The following ATG10 variants were observed in gnomAD, a reference collection of about 807,000 sequenced individuals.
ATG10 encodes the protein ubiquitin-like-conjugating enzyme ATG10.
In ATG10, 30 loss-of-function variants were observed where a neutral mutation model predicts 32.1. That is an observed-to-expected ratio of 0.94 (90% CI 0.70 to 1.27). The LOEUF is 1.27. ATG10 is among the 50% of genes most tolerant of loss of function. The pLI, the probability that ATG10 is intolerant of heterozygous loss-of-function variation, is 0.00. For synonymous variants in ATG10, 87 were observed against 91.5 expected, an observed-to-expected ratio of 0.95 and a Z score of 0.28; for missense variants, 233 against 262.3, an observed-to-expected ratio of 0.89 and a Z score of 0.77.
intron 2 of ATG10, among the ~76,000 whole-genome samples, chr5:82,058,162 A>C (rs1377444505): frequency 6.6e-6 from 1 of 152,188 alleles, no homozygotes; most frequent in African/African-American, 2.4e-5. Context: ...ATGCCATGAA[A>C]ATCAATATTA....
At chr5:82,111,774 TGTAA>T (rs1261454237) in intron 3 of ATG10, among the ~76,000 whole-genome samples, 4 of 151,972 alleles carry the variant, frequency 2.6e-5, no homozygotes, top group African/African-American at 9.7e-5. Flanking sequence ...AGGGATGATC[TGTAA>T]GTTTTTCTGC....
chr5:82,084,192 C>T (rs1764584730), intron 3 of ATG10, among the ~76,000 whole-genome samples: 2 of 152,122 alleles, frequency 1.3e-5, no homozygotes, highest in South Asian at 4.1e-4. Context: ...CATGCACAAG[C>T]TTCAGTAGCC....
chr5:82,154,861 A>G (rs1767745997), intron 3 of ATG10, among the ~76,000 whole-genome samples: 1 of 152,352 alleles, frequency 6.6e-6, no homozygotes, highest in East Asian at 1.9e-4. Flanking sequence ...TCATATCCAT[A>G]TAATCCAGAG....
intron 3 of ATG10, among the ~76,000 whole-genome samples, chr5:82,156,336 G>A (rs1471521434): frequency 6.6e-6 from 1 of 152,160 alleles, no homozygotes. Flanking sequence ...AGCATCACCA[G>A]GAACACTGCT....
intron 2 of ATG10, among the ~76,000 whole-genome samples, chr5:82,010,733 T>C (rs184246083): frequency 2.0e-5 from 3 of 152,228 alleles, no homozygotes; most frequent in African/African-American, 7.2e-5. Flanking sequence ...GTGCTTTCCA[T>C]GTCATCTGAT....
At chr5:82,146,154 T>C (rs1355951587) in intron 3 of ATG10, among the ~76,000 whole-genome samples, 1 of 152,198 alleles carries the variant, frequency 6.6e-6, no homozygotes, top group African/African-American at 2.4e-5. Context: ...TGAATTGCCT[T>C]AGTGTTCCTT....
intron 3 of ATG10, among the ~76,000 whole-genome samples, chr5:82,095,503 C>T (rs1052270849): frequency 5.9e-5 from 9 of 152,100 alleles, no homozygotes; most frequent in Admixed American, 4.6e-4. Context: ...GTGCAATTAG[C>T]AAATACTAAT....
At chr5:82,143,403 G>C (rs1767226376) in intron 3 of ATG10, among the ~76,000 whole-genome samples, 1 of 152,206 alleles carries the variant, frequency 6.6e-6, no homozygotes, top group Non-Finnish European at 1.5e-5. Context: ...GAGTGTGGAA[G>C]GTGTTCTAAC....
intron 3 of ATG10, among the ~76,000 whole-genome samples, chr5:82,160,451 G>T (rs1455650869): frequency 6.6e-6 from 1 of 152,064 alleles, no homozygotes; most frequent in Non-Finnish European, 1.5e-5. Flanking sequence ...CAATTTTTTG[G>T]CTATTCTGAA....
At chr5:82,074,548 G>A (rs1266713507) in intron 3 of ATG10, among the ~76,000 whole-genome samples, 1 of 151,926 alleles carries the variant, frequency 6.6e-6, no homozygotes, top group Admixed American at 6.6e-5. Flanking sequence ...GTATTCTACT[G>A]AGATTGTGAT....
chr5:82,132,128 T>C (rs1294148034), intron 3 of ATG10, among the ~76,000 whole-genome samples: 2 of 152,178 alleles, frequency 1.3e-5, no homozygotes. Context: ...ATGTGAGATA[T>C]GGGCCAAACC....
At chr5:82,091,105 A>G (rs1764868113) in intron 3 of ATG10, among the ~76,000 whole-genome samples, 1 of 152,232 alleles carries the variant, frequency 6.6e-6, no homozygotes, top group Non-Finnish European at 1.5e-5. Flanking sequence ...ATGTGATTTC[A>G]GGCAACATGA....
chr5:82,043,301 G>C (rs1016783693), intron 2 of ATG10, among the ~76,000 whole-genome samples: 2 of 152,200 alleles, frequency 1.3e-5, no homozygotes, highest in African/African-American at 4.8e-5. Context: ...GGGACACAGG[G>C]TGCCATGTCC....
chr5:82,118,724 T>C, intron 3 of ATG10, among the ~76,000 whole-genome samples: 1 of 152,072 alleles, frequency 6.6e-6, no homozygotes. Context: ...TATAAGTGGA[T>C]GCTGAAGCCA....
rs188267748 is a variant in ATG10, at chr5:82,070,055, G to A, written c.216+11453G>A. 1.7e-4 allele frequency among the ~76,000 whole-genome samples: 26 copies of A among 152,334 alleles called. No individual in the cohort carries two copies. In the East Asian group the frequency reaches 1.9e-3, roughly 11 times the overall value. On this transcript the variant is annotated intron_variant, in intron 3 of 7. Coordinates refer to ENST00000282185, the MANE Select transcript of ATG10 (RefSeq NM_031482.5). ...GTATTTGTGATAAGCATTGAGAGAA[G>A]CTTCATGCAGTTCAAGCTAACCTCA...
In ATG10 at chr5:82,238,598, G is replaced by A. The variant is rs149422153; in HGVS notation, c.454-13964G>A. ...TAAATTCTATGAGAACAAATTTTGCGTCTGTATTTAGTGTGCAAATATTTG... is the reference window on the plus strand; with the variant it reads ...TAAATTCTATGAGAACAAATTTTGCATCTGTATTTAGTGTGCAAATATTTG... On this transcript the variant is annotated intron_variant, in intron 5 of 7. Transcript: ENST00000282185. Among the ~76,000 whole-genome samples the A allele has an allele frequency of 1.5e-3, 228 of 152,218 alleles. 1 individual carries two copies. Among genetic ancestry groups the A allele is most frequent in the Middle Eastern group, 3.4e-3 (1 of 292 alleles).
At chr5:82,176,701 A>G (rs1744043317) in intron 4 of ATG10, among the ~76,000 whole-genome samples, 1 of 152,174 alleles carries the variant, frequency 6.6e-6, no homozygotes, top group Non-Finnish European at 1.5e-5. Flanking sequence ...AGAAAACAAT[A>G]TAACACAGAT....
intron 3 of ATG10, 46 bp downstream of exon 3, chr5:82,058,648 T>C (rs879807917): frequency 9.0e-6 from 12 of 1,333,674 alleles, no homozygotes; most frequent in Non-Finnish European, 1.2e-5. Flanking sequence ...CCGTAAAGTA[T>C]ACATTTAAAA....
intron 2 of ATG10, among the ~76,000 whole-genome samples, chr5:82,004,024 C>T (rs529664582): frequency 3.3e-5 from 5 of 152,158 alleles, no homozygotes; most frequent in Non-Finnish European, 7.4e-5. Context: ...CACCTGTAAT[C>T]CCAGCTACTG....
Sources: gnomAD v4.1 joint callset for allele counts (sites outside exome capture counted in the v4.1 genomes callset) on GRCh38, gnomAD v4.1.1 for gene constraint, MANE v1.5 for transcripts, NCBI Gene and HGNC (gene_info 2026-07-23, HGNC 2026-07-21) for gene names.